Variants in LRP11 observed in about 807,000 individuals in gnomAD.
LRP11 encodes the protein low-density lipoprotein receptor-related protein 11.
In LRP11, 25 loss-of-function variants were observed where a neutral mutation model predicts 43.1. The observed-to-expected ratio is 0.58, with a 90% confidence interval of 0.42 to 0.81. The LOEUF (loss-of-function observed/expected upper bound fraction) is 0.81. Ranked by LOEUF, LRP11 falls within the 30% of genes least tolerant of loss-of-function variation. LRP11 has a pLI of 0.00. For missense variants in LRP11, 623 were observed against 665.1 expected (o/e 0.94, Z 0.70); for synonymous variants, 316 against 299.4 (o/e 1.06, Z -0.57).
chr6:149,823,063 A>T (rs529480232), intron 6 of LRP11, among the ~76,000 whole-genome samples: 1 of 114,502 alleles, frequency 8.7e-6, no homozygotes, highest in African/African-American at 4.5e-5. Context: ...GGGCAGACAA[A>T]AGCAGAGGAC....
At chr6:149,844,787 T>C (rs890572821) in intron 2 of LRP11, among the ~76,000 whole-genome samples, 2 of 152,210 alleles carry the variant, frequency 1.3e-5, no homozygotes, top group Non-Finnish European at 2.9e-5. Flanking sequence ...GAATTTGGAC[T>C]GACTTAGGCT....
chr6:149,820,524 GCC>G lies in LRP11; in HGVS notation c.*23_*24del, dbSNP rs1322353682. ...TAAATTATAAACAAAACATGTCCCT[GCC>G]CCAAGGTATTGAAATTACATTACTA... On this transcript the variant is annotated 3_prime_UTR_variant, in exon 7 of 7. Transcript: ENST00000239367. The G allele has an allele frequency of 1.3e-6, 1 of 773,256 alleles. No individual in the cohort carries two copies. Among genetic ancestry groups the G allele is most frequent in the Non-Finnish European group, 2.4e-6 (1 of 414,742 alleles). The allele number at this position is 773,256 out of a possible 1,614,324, so 47.9% of individuals were successfully genotyped here. A position where few individuals can be genotyped will look rare whatever the true frequency, so the allele number is the denominator to read the frequency against.
At chr6:149,857,727 C>T (rs71568292) in intron 1 of LRP11, among the ~76,000 whole-genome samples, 3 of 152,170 alleles carry the variant, frequency 2.0e-5, no homozygotes, top group Non-Finnish European at 4.4e-5. Flanking sequence ...TTGGCAGTAC[C>T]TAGGTTGATA....
chr6:149,844,630 G>T (rs753691076), intron 2 of LRP11, among the ~76,000 whole-genome samples: 5 of 152,200 alleles, frequency 3.3e-5, no homozygotes, highest in Non-Finnish European at 7.3e-5. Context: ...CTGCTTAAAT[G>T]AACTAGTCTG....
intron 6 of LRP11, among the ~76,000 whole-genome samples, chr6:149,823,038 A>G (rs1776295915): frequency 6.6e-6 from 1 of 150,798 alleles, no homozygotes; most frequent in Non-Finnish European, 1.5e-5. Context: ...GTCCTGGGAA[A>G]CACCAGCATT....
At chr6:149,856,411 T>C (rs114425156) in intron 1 of LRP11, among the ~76,000 whole-genome samples, 1 of 152,350 alleles carries the variant, frequency 6.6e-6, no homozygotes, top group African/African-American at 2.4e-5. Flanking sequence ...ATGTTTCCTT[T>C]TCAGTTCAAG....
At position 149,837,487 on chromosome 6, in the gene LRP11, C is replaced by CA. The variant is rs767802077; in HGVS notation, c.914-25dup. ...TCCTATTTGTAAACAAATCTCAAGTCACACGAGTGCAGAAGTTCAGACTCT... is the reference window on the plus strand; with the variant it reads ...TCCTATTTGTAAACAAATCTCAAGTCAACACGAGTGCAGAAGTTCAGACTCT... On this transcript the variant is annotated intron_variant, in intron 3 of 6. Coordinates refer to ENST00000239367, the MANE Select transcript of LRP11 (RefSeq NM_032832.6). 40 of 1,608,966 alleles carry CA rather than the reference C, an allele frequency of 2.5e-5. No homozygotes were observed. The African/African-American group carries it at 4.9e-4, about 20-fold the overall frequency.
chr6:149,829,040 A>C (rs953748174), intron 5 of LRP11, among the ~76,000 whole-genome samples: 2 of 152,184 alleles, frequency 1.3e-5, no homozygotes, highest in African/African-American at 4.8e-5. Context: ...CAGCAGCCGC[A>C]CACACAAAAC....
rs919619274 is a variant in LRP11 at position 149,863,963 on chromosome 6, C to T, written c.58G>A (p.Gly20Arg). 1.4e-6 allele frequency: 2 copies of T among 1,426,076 alleles called. No individual in the cohort carries two copies. The highest frequency in any genetic ancestry group is 1.5e-5 in the African/African-American group (1 of 66,702). 88.3% of individuals were successfully genotyped at this position (1,426,076 alleles called of 1,614,324 possible). ...AGCAGTAGCAGCCCGCGCAGCGCCC[C>T]GTGACGCGGCGGTAGCCGGCGCTGC... Reference protein sequence around the residue: ...GSQRRLPPRHGALRGLLLLCL... With the variant: ...GSQRRLPPRHRALRGLLLLCL... The change falls in exon 1 of 7, where the codon GGG (glycine) becomes AGG (arginine). Residue 20 changes from glycine (G) to arginine (R), a missense_variant. Physicochemically the swap from Gly to Arg is moderately radical, Grantham distance 125 (BLOSUM62 -2). Coordinates refer to ENST00000239367, the MANE Select transcript of LRP11 (RefSeq NM_032832.6).
Position 149,834,952 on chromosome 6 carries a change from G to A in LRP11, c.1252+1133C>T, listed in dbSNP as rs55956738. Among the ~76,000 whole-genome samples the A allele has an allele frequency of 3.6e-3, 545 of 152,246 alleles. 3 individuals carry two copies. Among genetic ancestry groups the A allele is most frequent in the African/African-American group, 0.012 (513 of 41,538 alleles). On this transcript the variant is annotated intron_variant, in intron 5 of 6. Transcript: ENST00000239367. Reference sequence around the variant, plus strand: ...CTTCTTAAATTATTTTGCATCTTCCGTATCTTGTACAATGAACAAAAATTT... The same window carrying A: ...CTTCTTAAATTATTTTGCATCTTCCATATCTTGTACAATGAACAAAAATTT...
chr6:149,838,372 G>A (rs944564177), intron 3 of LRP11, among the ~76,000 whole-genome samples: 1 of 151,918 alleles, frequency 6.6e-6, no homozygotes, highest in Non-Finnish European at 1.5e-5. Context: ...TTATGGGCTG[G>A]CATGAATTTA....
chr6:149,863,829 C>A lies in LRP11; in HGVS notation c.192G>T (p.Arg64=). The A allele has an allele frequency of 6.6e-7, 1 of 1,510,634 alleles. No individual in the cohort carries two copies. The highest frequency in any genetic ancestry group is 8.8e-7 in the Non-Finnish European group (1 of 1,138,458). 93.6% of individuals were successfully genotyped at this position (1,510,634 alleles called of 1,614,324 possible). ...GVEQLLEEFR[R]QLQQERPQEE... ...CCTGAGGCCGCTCCTGCTGCAGTTG[C>A]CGGCGGAACTCCTCCAGCAGCTGCT... Residue 64 remains arginine (R), a synonymous_variant, in exon 1 of 7, where the codon CGG becomes CGT. Transcript: ENST00000239367.
intron 2 of LRP11, among the ~76,000 whole-genome samples, chr6:149,847,758 T>G (rs1776658920): frequency 6.6e-6 from 1 of 151,652 alleles, no homozygotes; most frequent in Non-Finnish European, 1.5e-5. Context: ...CAACCCCATC[T>G]TCCTAGCTAG....
At chr6:149,859,396 A>ATATATATATATATTTTTTT in intron 1 of LRP11, among the ~76,000 whole-genome samples, 2 of 71,494 alleles carry the variant, frequency 2.8e-5, no homozygotes, top group African/African-American at 8.2e-5. Flanking sequence ...ATATATATAT[A>ATATATATATATATTTTTTT]TTTTTTTTTT....
intron 1 of LRP11, among the ~76,000 whole-genome samples, chr6:149,857,339 C>T (rs566550380): frequency 5.8e-4 from 88 of 152,048 alleles, no homozygotes; most frequent in African/African-American, 2.0e-3. Flanking sequence ...CCAGACCAGC[C>T]TGGAACTGGT....
intron 2 of LRP11, among the ~76,000 whole-genome samples, chr6:149,847,685 G>C (rs964109287): frequency 6.6e-6 from 1 of 152,194 alleles, no homozygotes; most frequent in Non-Finnish European, 1.5e-5. Context: ...CTGTTCAGCA[G>C]TAACAGCCTT....
At chr6:149,844,741 A>G (rs1251047426) in intron 2 of LRP11, among the ~76,000 whole-genome samples, 1 of 152,240 alleles carries the variant, frequency 6.6e-6, no homozygotes, top group Non-Finnish European at 1.5e-5. Context: ...GTACTATTAT[A>G]AGAACCATCT....
Position 149,864,195 on chromosome 6 carries a change from G to A in LRP11, c.-175C>T. ...TGCTCCCCCGAGGTCGCGGGCGCCGGCGGGAACCGCAGTAGCGGGAGACAT... is the reference window on the plus strand; with the variant it reads ...TGCTCCCCCGAGGTCGCGGGCGCCGACGGGAACCGCAGTAGCGGGAGACAT... On this transcript the variant is annotated 5_prime_UTR_variant, in exon 1 of 7. Coordinates refer to ENST00000239367, the MANE Select transcript of LRP11 (RefSeq NM_032832.6). The A allele has an allele frequency of 8.9e-7, 1 of 1,122,612 alleles. No individual in the cohort carries two copies. The highest frequency in any genetic ancestry group is 1.1e-6 in the Non-Finnish European group (1 of 919,396). The allele number at this position is 1,122,612 out of a possible 1,614,324, so 69.5% of individuals were successfully genotyped here.
chr6:149,861,776 C>G (rs1419113025), intron 1 of LRP11, among the ~76,000 whole-genome samples: 1 of 152,228 alleles, frequency 6.6e-6, no homozygotes, highest in African/African-American at 2.4e-5. Context: ...CCGCCTTGGC[C>G]TCCCAAAGTC....
Sources: gnomAD v4.1 joint callset for allele counts (sites outside exome capture counted in the v4.1 genomes callset) on GRCh38, gnomAD v4.1.1 for gene constraint, MANE v1.5 for transcripts, NCBI Gene and HGNC (gene_info 2026-07-23, HGNC 2026-07-21) for gene names.